CEP112: variants seen among roughly 807,000 people sequenced by gnomAD.
The protein encoded by CEP112 is centrosomal protein 112, also known as centrosomal protein of 112 kDa.
CEP112 carries 127 observed loss-of-function variants against 153.0 expected under a neutral mutation model. That is an observed-to-expected ratio of 0.83 (90% confidence interval 0.72 to 0.96). The LOEUF (loss-of-function observed/expected upper bound fraction) is 0.96, where lower values mean the gene tolerates loss of function less well. CEP112 is among the 40% of genes least tolerant of loss of function. The probability of loss-of-function intolerance (pLI) is 0.00; values close to 1 mark genes in which losing one functional copy is unlikely to be tolerated. For missense variants in CEP112, 1,089 were observed against 1,101.2 expected, an observed-to-expected ratio of 0.99 and a Z score of 0.16; for synonymous variants, 358 against 374.4, an observed-to-expected ratio of 0.96 and a Z score of 0.51.
chr17:66,095,232 T>A (rs1476346327), intron 8 of CEP112, among the ~76,000 whole-genome samples: 3 of 151,804 alleles, frequency 2.0e-5, no homozygotes, highest in African/African-American at 7.3e-5. Flanking sequence ...AGATATAGAA[T>A]CAATATAAAG....
At chr17:65,831,973 G>T (rs781080847) in intron 21 of CEP112, among the ~76,000 whole-genome samples, 1 of 152,118 alleles carries the variant, frequency 6.6e-6, no homozygotes, top group Non-Finnish European at 1.5e-5. Context: ...CAAAAGAACC[G>T]AAATCATACC....
Position 66,029,216 on chromosome 17 carries a change from T to C in CEP112, c.1410A>G (p.Val470=), listed in dbSNP as rs1213879008. 1.9e-6 allele frequency: 3 copies of C among 1,611,618 alleles called. No individual in the cohort carries two copies. The highest frequency in any genetic ancestry group is 2.5e-6 in the Non-Finnish European group (3 of 1,178,296). ...GTTTCATGTTTTGCTCATAATCATTTACAAGATGGTCCTTCTCTTTATGCA... is the reference window on the plus strand; with the variant it reads ...GTTTCATGTTTTGCTCATAATCATTCACAAGATGGTCCTTCTCTTTATGCA... ...NTLHKEKDHL[V]NDYEQNMKLL... Residue 470 remains valine (V), a synonymous_variant, in exon 14 of 27, where the codon GTA becomes GTG. Transcript: ENST00000535342.
chr17:65,663,872 C>G (rs1221919581), intron 24 of CEP112, among the ~76,000 whole-genome samples: 2 of 152,136 alleles, frequency 1.3e-5, no homozygotes, highest in Non-Finnish European at 2.9e-5. Flanking sequence ...CGGTGAAACC[C>G]TGTTTCTACC....
chr17:65,864,913 AGTGTGTGTGT>A (rs6146121), intron 20 of CEP112, among the ~76,000 whole-genome samples: 2,631 of 144,530 alleles, frequency 0.018, 46 homozygotes, highest in African/African-American at 0.036. Flanking sequence ...GGGGTAAGCA[AGTGTGTGTGT>A]GTGTGTGTGT....
intron 20 of CEP112, among the ~76,000 whole-genome samples, chr17:65,886,939 G>C (rs140404564): frequency 5.8e-4 from 88 of 152,152 alleles, no homozygotes; most frequent in African/African-American, 2.0e-3. Flanking sequence ...CAAAATGCTG[G>C]GGGACACTCT....
In CEP112 at chr17:66,183,206, G is replaced by T; in HGVS notation, c.94C>A (p.Pro32Thr). The change falls in exon 2 of 27, where the codon CCT becomes ACT. Residue 32 changes from proline to threonine, a missense_variant. By Grantham distance (38) the Pro-to-Thr change is conservative. Transcript: ENST00000535342. ...VDMKPFVLKL[P>T]HRTERQRCAL... is the part of the protein sequence containing the mutation. Reference sequence around the variant, plus strand: ...AACATAATCTTACCTGTCCTATGAGGTAATTTTAGAACAAAGGGCTTCATA... The same window carrying T: ...AACATAATCTTACCTGTCCTATGAGTTAATTTTAGAACAAAGGGCTTCATA... 1 of 1,598,264 alleles carries T rather than the reference G, an allele frequency of 6.3e-7. No individual in the cohort carries two copies.
chr17:65,766,872 A>G (rs2053015074), intron 21 of CEP112, among the ~76,000 whole-genome samples: 1 of 133,772 alleles, frequency 7.5e-6, no homozygotes, highest in South Asian at 2.6e-4. Flanking sequence ...CACACTAGAC[A>G]TTAGCCATTA....
chr17:66,151,595 T>C (rs991314105), intron 4 of CEP112, among the ~76,000 whole-genome samples: 1 of 152,226 alleles, frequency 6.6e-6, no homozygotes, highest in Non-Finnish European at 1.5e-5. Context: ...TACCTCTCTC[T>C]TGCTCTCTTA....
intron 18 of CEP112, among the ~76,000 whole-genome samples, chr17:65,948,462 C>T (rs2061713416): frequency 6.6e-6 from 1 of 152,102 alleles, no homozygotes; most frequent in African/African-American, 2.4e-5. Flanking sequence ...AAAAGATTTA[C>T]TTTAATAGAA....
chr17:65,837,049 C>T (rs1479609296), intron 21 of CEP112, among the ~76,000 whole-genome samples: 1 of 152,222 alleles, frequency 6.6e-6, no homozygotes, highest in Non-Finnish European at 1.5e-5. Context: ...GAGTGATCTG[C>T]CAGCCTCGGC....
intron 17 of CEP112, among the ~76,000 whole-genome samples, chr17:65,972,547 A>C (rs1358462727): frequency 6.6e-6 from 1 of 152,228 alleles, no homozygotes; most frequent in Non-Finnish European, 1.5e-5. Flanking sequence ...AGATCAATAA[A>C]ATGGGAACAG....
chr17:65,871,961 T>C (rs1568147565), intron 20 of CEP112, among the ~76,000 whole-genome samples: 1 of 152,204 alleles, frequency 6.6e-6, no homozygotes, highest in African/African-American at 2.4e-5. Flanking sequence ...CAATTTACTA[T>C]AATAATTTGT....
chr17:65,791,332 AC>A (rs1433217787), intron 21 of CEP112, among the ~76,000 whole-genome samples: 2 of 152,166 alleles, frequency 1.3e-5, no homozygotes, highest in East Asian at 3.9e-4. Context: ...CAGGAGAAAA[AC>A]GCTTTTGAGC....
chr17:65,969,754 CTTA>C (rs895975939), intron 17 of CEP112, among the ~76,000 whole-genome samples: 62 of 152,284 alleles, frequency 4.1e-4, no homozygotes, highest in African/African-American at 1.3e-3. Context: ...TACACGAATG[CTTA>C]TTACATGTAA....
chr17:65,813,455 G>C (rs1426395020), intron 21 of CEP112, among the ~76,000 whole-genome samples: 1 of 152,190 alleles, frequency 6.6e-6, no homozygotes, highest in African/African-American at 2.4e-5. Flanking sequence ...AACAGGAGCT[G>C]CTTCTATCTT....
chr17:65,948,052 T>A (rs912806786), intron 18 of CEP112, among the ~76,000 whole-genome samples: 17 of 152,204 alleles, frequency 1.1e-4, no homozygotes, highest in Admixed American at 2.6e-4. Context: ...CAGATAGTGT[T>A]CTTGCTTCCT....
At chr17:65,888,052 T>C (rs1004042794) in intron 20 of CEP112, among the ~76,000 whole-genome samples, 1 of 152,158 alleles carries the variant, frequency 6.6e-6, no homozygotes, top group East Asian at 1.9e-4. Context: ...CCCCAGGGCA[T>C]CCCACCAGGA....
intron 24 of CEP112, among the ~76,000 whole-genome samples, chr17:65,672,878 A>T (rs2047054723): frequency 6.6e-6 from 1 of 152,246 alleles, no homozygotes; most frequent in African/African-American, 2.4e-5. Flanking sequence ...CTCAGTCAAT[A>T]CATGGTATTA....
At chr17:65,783,295 T>A (rs1191562746) in intron 21 of CEP112, among the ~76,000 whole-genome samples, 4 of 152,170 alleles carry the variant, frequency 2.6e-5, no homozygotes, top group African/African-American at 9.7e-5. Flanking sequence ...ATAACAAGTG[T>A]TGATGAGAAT....
Sources: gnomAD v4.1 joint callset for allele counts (sites outside exome capture counted in the v4.1 genomes callset) on GRCh38, gnomAD v4.1.1 for gene constraint, MANE v1.5 for transcripts, NCBI Gene and HGNC (gene_info 2026-07-23, HGNC 2026-07-21) for gene names.